SGCD: variants seen among roughly 807,000 people sequenced by gnomAD.
SGCD encodes the protein sarcoglycan delta.
In SGCD, 18 loss-of-function variants were observed where a neutral mutation model predicts 36.6. That is an observed-to-expected ratio of 0.49 (90% CI 0.34 to 0.73). The LOEUF (loss-of-function observed/expected upper bound fraction) is 0.73. Ranked by LOEUF, SGCD falls within the 30% of genes least tolerant of loss-of-function variation. The pLI, the probability that SGCD is intolerant of heterozygous loss-of-function variation, is 0.01. For synonymous variants in SGCD, 133 were observed against 130.6 expected (o/e 1.02, Z -0.12); for missense variants, 387 against 346.7 (o/e 1.12, Z -0.92).
At chr5:156,174,372 T>C (rs892088928) in intron 3 of SGCD, among the ~76,000 whole-genome samples, 11 of 152,004 alleles carry the variant, frequency 7.2e-5, no homozygotes, top group Non-Finnish European at 2.9e-5. Flanking sequence ...CAGCCAAGTG[T>C]GTATAAAAAG....
intron 2 of SGCD, among the ~76,000 whole-genome samples, chr5:156,121,940 A>G (rs1160455697): frequency 6.6e-6 from 1 of 152,162 alleles, no homozygotes; most frequent in Non-Finnish European, 1.5e-5. Flanking sequence ...AATACATGCC[A>G]CACATACTCT....
At chr5:155,987,850 C>T (rs1315310806) in intron 1 of SGCD, among the ~76,000 whole-genome samples, 2 of 152,194 alleles carry the variant, frequency 1.3e-5, no homozygotes, top group African/African-American at 4.8e-5. Flanking sequence ...CCACACTACA[C>T]CCTTCCCTCA....
chr5:156,286,090 C>T (rs1766589402), intron 3 of SGCD, among the ~76,000 whole-genome samples: 1 of 152,102 alleles, frequency 6.6e-6, no homozygotes, highest in South Asian at 2.1e-4. Flanking sequence ...TCAGCACTGG[C>T]CATCAGAGAA....
chr5:155,751,440 T>C, the SGCD span, among the ~76,000 whole-genome samples: 1 of 152,118 alleles, frequency 6.6e-6, no homozygotes, highest in African/African-American at 2.4e-5. Context: ...GTTGCCTAGG[T>C]TGGAGTGCAA....
chr5:156,199,736 C>T (rs1317513003), intron 3 of SGCD, among the ~76,000 whole-genome samples: 1 of 152,058 alleles, frequency 6.6e-6, no homozygotes, highest in East Asian at 1.9e-4. Flanking sequence ...TTCACGGAGG[C>T]AGGCTTTTCT....
At chr5:156,078,645 T>C (rs528721225) in intron 1 of SGCD, among the ~76,000 whole-genome samples, 3 of 147,570 alleles carry the variant, frequency 2.0e-5, no homozygotes, top group South Asian at 2.1e-4. Flanking sequence ...CATATTTATA[T>C]ACACACACAC....
At chr5:155,871,879 A>G (rs1755663500) in intron 1 of SGCD, among the ~76,000 whole-genome samples, 1 of 152,208 alleles carries the variant, frequency 6.6e-6, no homozygotes, top group Non-Finnish European at 1.5e-5. Flanking sequence ...CAGAAGAAAT[A>G]CATCGTTAGA....
chr5:156,327,691 G>C (rs1767873615), intron 1 of SGCD, among the ~76,000 whole-genome samples: 1 of 152,180 alleles, frequency 6.6e-6, no homozygotes, highest in South Asian at 2.1e-4. Flanking sequence ...CTCATTTTAG[G>C]AGGGAATCAG....
chr5:156,563,736 T>C (rs1759364987), intron 4 of SGCD, among the ~76,000 whole-genome samples: 1 of 148,140 alleles, frequency 6.8e-6, no homozygotes, highest in South Asian at 2.2e-4. Flanking sequence ...AAGAAAGTTC[T>C]TCCCTACTCC....
At chr5:156,070,769 T>C (rs1442085757) in intron 1 of SGCD, among the ~76,000 whole-genome samples, 2 of 152,122 alleles carry the variant, frequency 1.3e-5, no homozygotes, top group African/African-American at 4.8e-5. Flanking sequence ...CCTGCACTCT[T>C]TTTGGTTGGT....
At chr5:156,550,068 C>G (rs988471386) in intron 4 of SGCD, among the ~76,000 whole-genome samples, 5 of 152,130 alleles carry the variant, frequency 3.3e-5, no homozygotes, top group African/African-American at 1.2e-4. Context: ...GTGCAGAAAA[C>G]TGACATGAAA....
chr5:155,873,147 T>A (rs1185118441), intron 1 of SGCD, among the ~76,000 whole-genome samples: 1 of 152,080 alleles, frequency 6.6e-6, no homozygotes, highest in Admixed American at 6.5e-5. Context: ...GATCCCTCCC[T>A]CCCCAGTAGA....
intron 6 of SGCD, among the ~76,000 whole-genome samples, chr5:156,637,368 T>C (rs1762868591): frequency 6.6e-6 from 1 of 152,166 alleles, no homozygotes; most frequent in Non-Finnish European, 1.5e-5. Flanking sequence ...ATAAGGCCAA[T>C]GGTAGACAGT....
chr5:156,132,308 A>G (rs1027166752), intron 3 of SGCD, among the ~76,000 whole-genome samples: 4 of 151,936 alleles, frequency 2.6e-5, no homozygotes, highest in South Asian at 2.1e-4. Flanking sequence ...GATCTTTCTT[A>G]TCAGTGAATC....
intron 4 of SGCD, among the ~76,000 whole-genome samples, chr5:156,556,445 A>T (rs1029342622): frequency 6.6e-6 from 1 of 151,856 alleles, no homozygotes; most frequent in Non-Finnish European, 1.5e-5. Context: ...TCCTCCCTCC[A>T]CTCTATCCTT....
the SGCD span, among the ~76,000 whole-genome samples, chr5:155,795,106 G>C: frequency 6.6e-6 from 1 of 152,058 alleles, no homozygotes; most frequent in African/African-American, 2.4e-5. Flanking sequence ...TGAAAATGGA[G>C]GTAAAATATA....
intron 1 of SGCD, among the ~76,000 whole-genome samples, chr5:155,889,347 A>G (rs759472624): frequency 4.6e-5 from 7 of 152,064 alleles, no homozygotes; most frequent in Non-Finnish European, 7.4e-5. Flanking sequence ...ATGTTTTTTT[A>G]AAAAGGAGAC....
chr5:156,516,277 C>T (rs1325454765), intron 4 of SGCD, among the ~76,000 whole-genome samples: 1 of 148,786 alleles, frequency 6.7e-6, no homozygotes, highest in African/African-American at 2.5e-5. Flanking sequence ...CAAGAGCATT[C>T]CAGCCAGCAT....
chr5:155,836,024 T>C, the SGCD span, among the ~76,000 whole-genome samples: 12 of 152,346 alleles, frequency 7.9e-5, no homozygotes, highest in South Asian at 2.5e-3. Flanking sequence ...ACTGGGGGTC[T>C]TGAAAAGTAT....
Sources: gnomAD v4.1 joint callset for allele counts (sites outside exome capture counted in the v4.1 genomes callset) on GRCh38, gnomAD v4.1.1 for gene constraint, MANE v1.5 for transcripts, NCBI Gene and HGNC (gene_info 2026-07-23, HGNC 2026-07-21) for gene names.